CAMSAP2: variants seen among roughly 807,000 people sequenced by gnomAD.
CAMSAP2 encodes calmodulin-regulated spectrin-associated protein 2.
CAMSAP2 carries 26 observed loss-of-function variants against 146.1 expected under a neutral mutation model. That is an observed-to-expected ratio of 0.18 (90% CI 0.13 to 0.25). CAMSAP2 has a LOEUF of 0.25. Among genes scored for constraint, CAMSAP2 ranks in the 10% least tolerant of loss-of-function variants. CAMSAP2 has a pLI of 1.00. For synonymous variants in CAMSAP2, 499 were observed against 596.6 expected (o/e 0.84, Z 2.38); for missense variants, 1,381 against 1,759.3 (o/e 0.78, Z 3.85).
chr1:200,805,591 T>G (rs913411455), intron 2 of CAMSAP2, among the ~76,000 whole-genome samples: 4 of 152,178 alleles, frequency 2.6e-5, no homozygotes, highest in Non-Finnish European at 5.9e-5. Context: ...ATTTAGAAAT[T>G]AATGCAAACA....
At chr1:200,838,325 C>A (rs1667233621) in intron 6 of CAMSAP2, among the ~76,000 whole-genome samples, 2 of 152,166 alleles carry the variant, frequency 1.3e-5, no homozygotes, top group South Asian at 4.2e-4. Flanking sequence ...AAAATGGAAC[C>A]TAGCACCAGT....
chr1:200,826,414 A>G (rs1342122802), intron 4 of CAMSAP2, among the ~76,000 whole-genome samples: 3 of 151,652 alleles, frequency 2.0e-5, no homozygotes. Flanking sequence ...CCTGGGTGAC[A>G]GAGGGAGACT....
intron 6 of CAMSAP2, among the ~76,000 whole-genome samples, chr1:200,833,704 C>G (rs1377523997): frequency 6.6e-6 from 1 of 151,868 alleles, no homozygotes; most frequent in Admixed American, 6.6e-5. Flanking sequence ...CTTTCTTTTT[C>G]TTAAAGAATT....
chr1:200,853,250 G>T lies in CAMSAP2; in HGVS notation c.3603-25G>T. 1 of 1,598,894 alleles carries T rather than the reference G, an allele frequency of 6.3e-7. No individual in the cohort carries two copies. Among genetic ancestry groups the T allele is most frequent in the South Asian group, 1.1e-5 (1 of 90,658 alleles). On this transcript the variant is annotated intron_variant, in intron 12 of 16. Transcript: ENST00000358823. This position sits in a 1 kb window ranked among gnomAD's most constrained non-coding sequence, Gnocchi z 5.1. ...GGTTTGTCTTTGGTATGCAGAATAA[G>T]AACTGTAACCATTTGATTTCTTAGG... is the stretch of plus-strand genomic sequence containing the variant.
At chr1:200,771,209 T>C (rs890376775) in intron 2 of CAMSAP2, among the ~76,000 whole-genome samples, 3 of 152,256 alleles carry the variant, frequency 2.0e-5, no homozygotes, top group African/African-American at 7.2e-5. Context: ...AGCATTATTT[T>C]CTCATATAAG....
Position 200,853,126 on chromosome 1 carries a change from G to T in CAMSAP2, c.3603-149G>T. The T allele has an allele frequency of 1.5e-6, 1 of 661,794 alleles. No individual in the cohort carries two copies. The highest frequency in any genetic ancestry group is 2.6e-6 in the Non-Finnish European group (1 of 385,228). 41.0% of individuals were successfully genotyped at this position (661,794 alleles called of 1,614,324 possible). A position where few individuals can be genotyped will look rare whatever the true frequency, so the allele number is the denominator to read the frequency against. On this transcript the variant is annotated intron_variant, in intron 12 of 16. Transcript: ENST00000358823. The surrounding 1 kb of genome is among the most constrained non-coding windows in gnomAD (Gnocchi z 5.1). ...TATTTATGCTTAATCCCATGTCTCA[G>T]CAGAATCGTCAAGTACCTTTTAAAT...
intron 2 of CAMSAP2, among the ~76,000 whole-genome samples, chr1:200,803,648 A>G (rs1238146180): frequency 6.6e-6 from 1 of 152,200 alleles, no homozygotes; most frequent in East Asian, 1.9e-4. Context: ...AAAATGTAAG[A>G]GTTCTTAAAG....
At chr1:200,759,588 G>A (rs182983348) in intron 1 of CAMSAP2, among the ~76,000 whole-genome samples, 439 of 152,164 alleles carry the variant, frequency 2.9e-3, no homozygotes, top group African/African-American at 9.4e-3. Context: ...CAGATTTTTC[G>A]AAGTACCAGT....
intron 11 of CAMSAP2, among the ~76,000 whole-genome samples, chr1:200,850,507 A>G (rs1472331239): frequency 6.6e-6 from 1 of 152,156 alleles, no homozygotes; most frequent in Non-Finnish European, 1.5e-5. Context: ...TTTAAAAATT[A>G]AGCTACTCAG....
At chr1:200,819,659 G>A (rs1321381220) in intron 4 of CAMSAP2, among the ~76,000 whole-genome samples, 1 of 151,992 alleles carries the variant, frequency 6.6e-6, no homozygotes, top group African/African-American at 2.4e-5. Flanking sequence ...TAGAAGGTTG[G>A]ATTAAATGGT....
Position 200,847,692 on chromosome 1 carries a change from A to G in CAMSAP2, c.1245A>G (p.Thr415=). 5 of 1,611,828 alleles carry G rather than the reference A, an allele frequency of 3.1e-6. No homozygotes were observed. The highest frequency in any genetic ancestry group is 3.4e-6 in the Non-Finnish European group (4 of 1,178,366). The change falls in exon 10 of 17, where the codon ACA becomes ACG. Residue 415 remains threonine (T), a synonymous_variant. Transcript: ENST00000358823. ...CTTATGTTGATGGCTTCATAGGGAC[A>G]TGGCCCAAAGAGAAAAGGTAAACAA... is the stretch of plus-strand genomic sequence containing the variant. ...SMSYVDGFIG[T]WPKEKRSSVH...
chr1:200,739,731 T>G lies in CAMSAP2; in HGVS notation c.-97T>G. ...GCGGACATCGCCCGGGCCCCGATGG[T>G]TTGAGCTTGCTTCTCCCTCCCTCCC... On this transcript the variant is annotated 5_prime_UTR_variant, in exon 1 of 17. Transcript: ENST00000358823. The surrounding 1 kb of genome is among the most constrained non-coding windows in gnomAD (Gnocchi z 4.8). 3.0e-5 allele frequency: 36 copies of G among 1,215,652 alleles called. No individual in the cohort carries two copies. The highest frequency in any genetic ancestry group is 9.2e-5 in the East Asian group (3 of 32,652). The allele number at this position is 1,215,652 out of a possible 1,614,324, so 75.3% of individuals were successfully genotyped here.
Position 200,760,831 on chromosome 1 carries a change from CTT to C in CAMSAP2, c.140-6_140-5del. On this transcript the variant is annotated splice_polypyrimidine_tract_variant and splice_region_variant and intron_variant, in intron 1 of 16. Transcript: ENST00000358823. ...TTGTAAGAGAATTTTTTCCATTAAT[CTT>C]TATAGAAAATGTGCCAGAGGAACTT... The C allele has an allele frequency of 6.5e-7, 1 of 1,547,380 alleles. No individual in the cohort carries two copies. The highest frequency in any genetic ancestry group is 8.8e-7 in the Non-Finnish European group (1 of 1,140,604).
At chr1:200,794,772 T>C (rs1401866302) in intron 2 of CAMSAP2, among the ~76,000 whole-genome samples, 1 of 152,216 alleles carries the variant, frequency 6.6e-6, no homozygotes, top group Non-Finnish European at 1.5e-5. Context: ...ATGCTCTAAT[T>C]AGAGTCCCAT....
intron 6 of CAMSAP2, among the ~76,000 whole-genome samples, chr1:200,837,374 G>C (rs1667210776): frequency 6.6e-6 from 1 of 152,078 alleles, no homozygotes; most frequent in Non-Finnish European, 1.5e-5. Context: ...GCTTTGGTCA[G>C]CTTTTTCAAA....
At chr1:200,790,863 A>G (rs1235932846) in intron 2 of CAMSAP2, among the ~76,000 whole-genome samples, 2 of 150,136 alleles carry the variant, frequency 1.3e-5, no homozygotes, top group Admixed American at 6.6e-5. Context: ...TTTTTTTTTG[A>G]GACGGAGTTT....
chr1:200,772,978 T>C (rs11809578), intron 2 of CAMSAP2, among the ~76,000 whole-genome samples: 26,156 of 152,164 alleles, frequency 0.17, 2,987 homozygotes, highest in East Asian at 0.35. Flanking sequence ...ATGTATGTCC[T>C]TTTAAATTTG....
intron 2 of CAMSAP2, among the ~76,000 whole-genome samples, chr1:200,801,399 G>T (rs1666033897): frequency 6.6e-6 from 1 of 152,072 alleles, no homozygotes; most frequent in African/African-American, 2.4e-5. Flanking sequence ...TGAATCTGAT[G>T]ATTATGTGTC....
At chr1:200,784,911 G>T (rs12087381) in intron 2 of CAMSAP2, among the ~76,000 whole-genome samples, 26,531 of 152,100 alleles carry the variant, frequency 0.17, 3,089 homozygotes, top group East Asian at 0.35. Context: ...TTAAGGGAGT[G>T]CCTTTCTGTT....
Sources: allele counts gnomAD v4.1 joint callset (sites outside exome capture counted in the v4.1 genomes callset), GRCh38; gene constraint gnomAD v4.1.1; non-coding constraint Gnocchi (gnomAD v3.1); transcripts MANE v1.5; gene names NCBI Gene and HGNC (gene_info 2026-07-23, HGNC 2026-07-21).